Variants in FAM171A1 observed in about 807,000 individuals in gnomAD.
FAM171A1 encodes family with sequence similarity 171 member A1.
FAM171A1 carries 23 observed loss-of-function variants against 74.9 expected under a neutral mutation model. That is an observed-to-expected ratio of 0.31 (90% confidence interval 0.22 to 0.44). The LOEUF (loss-of-function observed/expected upper bound fraction) is 0.44, where lower values mean the gene tolerates loss of function less well. Among genes scored for constraint, FAM171A1 ranks in the 20% least tolerant of loss-of-function variants. The pLI is 1.00. For synonymous variants in FAM171A1, 527 were observed against 505.7 expected (o/e 1.04, Z -0.57); for missense variants, 1,162 against 1,159.2 (o/e 1.00, Z -0.03).
At chr10:15,219,938 T>C (rs1335236949) in intron 6 of FAM171A1, among the ~76,000 whole-genome samples, 4 of 152,236 alleles carry the variant, frequency 2.6e-5, no homozygotes, top group Non-Finnish European at 4.4e-5. Context: ...AGTATGGTGA[T>C]ATAAAGTCAT....
intron 6 of FAM171A1, among the ~76,000 whole-genome samples, chr10:15,217,427 ATCT>A (rs1416185241): frequency 2.6e-5 from 4 of 152,336 alleles, no homozygotes; most frequent in African/African-American, 7.2e-5. Flanking sequence ...TTTTTAAAAA[ATCT>A]TCTTAAGGGG....
At chr10:15,358,242 T>G (rs765858878) in intron 1 of FAM171A1, among the ~76,000 whole-genome samples, 37 of 152,112 alleles carry the variant, frequency 2.4e-4, no homozygotes, top group Non-Finnish European at 4.3e-4. Flanking sequence ...TCCCAAAGTG[T>G]TGGGATTACA....
At position 15,212,966 on chromosome 10, in the gene FAM171A1, G is replaced by A. The variant is rs765326796; in HGVS notation, c.2622C>T (p.Ser874=). ...DDDDQGEDKK[S]PWQKREERPL... is the part of the protein sequence containing the mutation. ...GCCTCTCCTCCCGTTTCTGCCAGGG[G>A]CTTTTCTTGTCTTCTCCTTGGTCAT... Residue 874 remains serine (S), a synonymous_variant, in exon 8 of 8, where the codon AGC becomes AGT. Coordinates refer to ENST00000378116, the MANE Select transcript of FAM171A1 (RefSeq NM_001010924.2). The A allele has an allele frequency of 6.2e-7, 1 of 1,614,062 alleles. No individual in the cohort carries two copies. The highest frequency in any genetic ancestry group is 1.7e-5 in the Admixed American group (1 of 60,004).
At chr10:15,330,435 T>C (rs181160563) in intron 1 of FAM171A1, among the ~76,000 whole-genome samples, 1 of 152,180 alleles carries the variant, frequency 6.6e-6, no homozygotes, top group Admixed American at 6.6e-5. Flanking sequence ...TAAATGCAAG[T>C]AGAAGAGAAA....
intron 1 of FAM171A1, among the ~76,000 whole-genome samples, chr10:15,309,786 C>T (rs1454586136): frequency 6.6e-6 from 1 of 152,184 alleles, no homozygotes; most frequent in African/African-American, 2.4e-5. Context: ...TTCTTTTCTC[C>T]AATGTGAAAA....
chr10:15,370,514 G>A (rs1438458893), intron 1 of FAM171A1, among the ~76,000 whole-genome samples: 1 of 152,020 alleles, frequency 6.6e-6, no homozygotes, highest in African/African-American at 2.4e-5. Context: ...CGCAGCCCAG[G>A]AGCTGGGACT....
intron 2 of FAM171A1, among the ~76,000 whole-genome samples, chr10:15,277,448 T>C (rs934263026): frequency 3.3e-5 from 5 of 152,176 alleles, no homozygotes; most frequent in Admixed American, 1.3e-4. Flanking sequence ...GGTTTCAAAC[T>C]CCTGACCTCA....
At chr10:15,324,696 C>T (rs376802073) in intron 1 of FAM171A1, among the ~76,000 whole-genome samples, 1 of 151,776 alleles carries the variant, frequency 6.6e-6, no homozygotes, top group Non-Finnish European at 1.5e-5. Context: ...ATCTTAACCA[C>T]CAGCGTGGAT....
chr10:15,373,053 G>T (rs915838540), upstream of FAM171A1, among the ~76,000 whole-genome samples: 1 of 152,174 alleles, frequency 6.6e-6, no homozygotes, highest in South Asian at 2.1e-4. Flanking sequence ...GGCAGGCACC[G>T]TACCAAAAAA....
At chr10:15,311,822 T>C (rs1835363420) in intron 1 of FAM171A1, among the ~76,000 whole-genome samples, 3 of 152,152 alleles carry the variant, frequency 2.0e-5, no homozygotes. Context: ...TGTGACAGGG[T>C]ATTTTCTCTC....
chr10:15,284,003 G>T lies in FAM171A1; in HGVS notation c.200C>A (p.Thr67Asn), dbSNP rs1835003920. The T allele has an allele frequency of 6.2e-7, 1 of 1,614,066 alleles. No homozygotes were observed. Among genetic ancestry groups the T allele is most frequent in the African/African-American group, 1.3e-5 (1 of 74,930 alleles). ...FTNQASIASG[T>N]SGTDGVAFIK... is the part of the protein sequence containing the mutation. Reference sequence around the variant, plus strand: ...AAAGGCGACGCCATCAGTCCCCGAGGTGCCAGAGGCTATGGAGGCCTGGTT... The same window carrying T: ...AAAGGCGACGCCATCAGTCCCCGAGTTGCCAGAGGCTATGGAGGCCTGGTT... The change falls in exon 2 of 8, where the codon ACC (threonine) becomes AAC (asparagine). Residue 67 changes from threonine to asparagine, a missense_variant. By Grantham distance (65) the Thr-to-Asn change is moderately conservative (BLOSUM62 0). Transcript: ENST00000378116.
intron 2 of FAM171A1, among the ~76,000 whole-genome samples, chr10:15,282,587 T>C (rs528581954): frequency 5.3e-5 from 8 of 152,278 alleles, no homozygotes; most frequent in Non-Finnish European, 1.0e-4. Flanking sequence ...ACAACGACAA[T>C]TGACTGATGG....
At chr10:15,315,415 G>A (rs996437931) in intron 1 of FAM171A1, among the ~76,000 whole-genome samples, 9 of 152,198 alleles carry the variant, frequency 5.9e-5, no homozygotes, top group South Asian at 2.1e-4. Flanking sequence ...GTGCAGGCCC[G>A]TGGCTAGCCT....
intron 1 of FAM171A1, among the ~76,000 whole-genome samples, chr10:15,362,697 C>G (rs1488613179): frequency 6.6e-6 from 1 of 152,216 alleles, no homozygotes; most frequent in East Asian, 1.9e-4. Flanking sequence ...GCACTCCAGC[C>G]TAGGCGACAG....
At chr10:15,220,121 G>T (rs1834018756) in intron 6 of FAM171A1, among the ~76,000 whole-genome samples, 1 of 152,162 alleles carries the variant, frequency 6.6e-6, no homozygotes, top group African/African-American at 2.4e-5. Context: ...AGCACATTTC[G>T]ACCTAGCTAA....
chr10:15,318,895 T>TA (rs2131845491), intron 1 of FAM171A1, among the ~76,000 whole-genome samples: 1 of 152,284 alleles, frequency 6.6e-6, no homozygotes, highest in Admixed American at 6.5e-5. Context: ...TCCTGATCCT[T>TA]AGAGTCACAA....
chr10:15,372,204 G>A (rs191888618), upstream of FAM171A1, among the ~76,000 whole-genome samples: 5 of 152,282 alleles, frequency 3.3e-5, no homozygotes, highest in East Asian at 1.9e-4. Context: ...CTGTAGTTCG[G>A]TCAAGCAGAG....
chr10:15,265,188 A>C (rs1457938859), intron 3 of FAM171A1, among the ~76,000 whole-genome samples: 2 of 152,138 alleles, frequency 1.3e-5, no homozygotes, highest in African/African-American at 4.8e-5. Context: ...GGGCCGATTT[A>C]TAATATGCTC....
At chr10:15,327,128 T>C (rs920308652) in intron 1 of FAM171A1, among the ~76,000 whole-genome samples, 1 of 152,152 alleles carries the variant, frequency 6.6e-6, no homozygotes, top group Non-Finnish European at 1.5e-5. Flanking sequence ...CTAGGAGGCA[T>C]GATAGTATGG....
Sources: gnomAD v4.1 joint callset for allele counts (sites outside exome capture counted in the v4.1 genomes callset) on GRCh38, gnomAD v4.1.1 for gene constraint, MANE v1.5 for transcripts, NCBI Gene and HGNC (gene_info 2026-07-23, HGNC 2026-07-21) for gene names.